ARID2: variants seen among roughly 807,000 people sequenced by gnomAD.
ARID2 encodes AT-rich interaction domain 2.
In ARID2, 32 loss-of-function variants were observed where a neutral mutation model predicts 184.6. That is an observed-to-expected ratio of 0.17 (90% CI 0.13 to 0.23). ARID2 has a LOEUF of 0.23. Among genes scored for constraint, ARID2 ranks in the 10% least tolerant of loss-of-function variants. The probability of loss-of-function intolerance (pLI) is 1.00; values close to 1 mark genes in which losing one functional copy is unlikely to be tolerated. For synonymous variants in ARID2, 836 were observed against 772.6 expected (o/e 1.08, Z -1.36); for missense variants, 1,696 against 2,197.6 (o/e 0.77, Z 4.56).
chr12:45,787,910 A>G (rs1592076622), intron 3 of ARID2, among the ~76,000 whole-genome samples: 1 of 152,058 alleles, frequency 6.6e-6, no homozygotes, highest in African/African-American at 2.4e-5. Flanking sequence ...ATATATTTTC[A>G]CTCCTTTTGC....
intron 6 of ARID2, among the ~76,000 whole-genome samples, chr12:45,835,077 A>G (rs1003942546): frequency 2.0e-5 from 3 of 151,960 alleles, no homozygotes; most frequent in Non-Finnish European, 2.9e-5. Flanking sequence ...TTATACTTCA[A>G]ACTTATTTAC....
intron 6 of ARID2, among the ~76,000 whole-genome samples, chr12:45,826,034 C>G (rs1285540744): frequency 6.6e-6 from 1 of 151,672 alleles, no homozygotes; most frequent in Non-Finnish European, 1.5e-5. Flanking sequence ...TTTTCTTTAC[C>G]TAAGAAGAGA....
At chr12:45,752,471 T>C (rs181974101) in intron 3 of ARID2, among the ~76,000 whole-genome samples, 3 of 152,324 alleles carry the variant, frequency 2.0e-5, no homozygotes, top group Admixed American at 2.0e-4. Flanking sequence ...TATGTTTAGT[T>C]AGGGAGGAAA....
chr12:45,859,067 A>C (rs1298364593), intron 15 of ARID2, among the ~76,000 whole-genome samples: 1 of 152,184 alleles, frequency 6.6e-6, no homozygotes, highest in Non-Finnish European at 1.5e-5. Flanking sequence ...AAAGAAAATT[A>C]CTGTGGCTTT....
At chr12:45,887,972 G>T (rs1302906749) in intron 16 of ARID2, among the ~76,000 whole-genome samples, 1 of 152,140 alleles carries the variant, frequency 6.6e-6, no homozygotes, top group African/African-American at 2.4e-5. Flanking sequence ...TAGGCGGGCG[G>T]ATCACGAGGT....
At chr12:45,808,369 A>G (rs565829093) in intron 3 of ARID2, among the ~76,000 whole-genome samples, 1 of 152,340 alleles carries the variant, frequency 6.6e-6, no homozygotes, top group South Asian at 2.1e-4. Context: ...AATATTTAAT[A>G]ATGGCAGTGA....
rs146818786 is a variant in ARID2 at position 45,830,913 on chromosome 12, C to A, written c.706-5676C>A. Among the ~76,000 whole-genome samples, 47 of 152,118 alleles carry A rather than the reference C, an allele frequency of 3.1e-4. No individual in the cohort carries two copies. The East Asian group carries it at 7.5e-3, about 24-fold the overall frequency. ...TCTACTAAAAATACAAAAAAATTAGCTGGGCATTTTGGCGGGCACCTGCAA... is the reference window on the plus strand; with the variant it reads ...TCTACTAAAAATACAAAAAAATTAGATGGGCATTTTGGCGGGCACCTGCAA... On this transcript the variant is annotated intron_variant, in intron 6 of 20. Coordinates refer to ENST00000334344, the MANE Select transcript of ARID2 (RefSeq NM_152641.4).
chr12:45,865,147 G>T (rs1241036459), intron 16 of ARID2, among the ~76,000 whole-genome samples: 1 of 152,060 alleles, frequency 6.6e-6, no homozygotes, highest in Non-Finnish European at 1.5e-5. Context: ...TAGTTTTCCT[G>T]CTCTCTGATA....
chr12:45,749,401 C>T (rs1036521693), intron 3 of ARID2, among the ~76,000 whole-genome samples: 1 of 152,136 alleles, frequency 6.6e-6, no homozygotes, highest in African/African-American at 2.4e-5. Context: ...TTTGTTGTTT[C>T]ATTTATAGAG....
At chr12:45,848,579 C>T (rs1248789787) in intron 12 of ARID2, among the ~76,000 whole-genome samples, 1 of 152,020 alleles carries the variant, frequency 6.6e-6, no homozygotes, top group African/African-American at 2.4e-5. Context: ...GCAGACCAAC[C>T]CTGCTCTCAT....
chr12:45,816,393 G>A (rs1287868024), intron 4 of ARID2, among the ~76,000 whole-genome samples: 1 of 152,160 alleles, frequency 6.6e-6, no homozygotes, highest in Non-Finnish European at 1.5e-5. Context: ...TGAAACAAAG[G>A]ACTCATTTAG....
At chr12:45,860,750 T>G in intron 15 of ARID2, 51 bp from the exon 16 acceptor site, 6 of 1,390,742 alleles carry the variant, frequency 4.3e-6, no homozygotes, top group Non-Finnish European at 5.7e-6. Context: ...CTATAAAATA[T>G]GAATTTTTTC....
intron 3 of ARID2, among the ~76,000 whole-genome samples, chr12:45,808,243 G>C (rs1209149821): frequency 6.6e-6 from 1 of 152,118 alleles, no homozygotes; most frequent in African/African-American, 2.4e-5. Context: ...TTTTAGCTGT[G>C]TTCTCTGGTT....
At chr12:45,895,902 T>C (rs1024027391) in intron 20 of ARID2, among the ~76,000 whole-genome samples, 4 of 152,172 alleles carry the variant, frequency 2.6e-5, no homozygotes, top group African/African-American at 7.2e-5. Flanking sequence ...AAGAGAAGAT[T>C]TGTAAACTGA....
intron 3 of ARID2, among the ~76,000 whole-genome samples, chr12:45,794,563 G>A (rs1045491283): frequency 2.6e-5 from 4 of 152,156 alleles, no homozygotes; most frequent in South Asian, 2.1e-4. Flanking sequence ...TGGACTCAGC[G>A]TTAGGAAAAC....
At chr12:45,730,510 G>C (rs1940967969) in intron 2 of ARID2, among the ~76,000 whole-genome samples, 1 of 151,784 alleles carries the variant, frequency 6.6e-6, no homozygotes. Context: ...AGTCAGCTCT[G>C]CCGCCGCTGC....
chr12:45,846,750 A>G, intron 11 of ARID2, 106 bp from the exon 12 acceptor site: 1 of 927,848 alleles, frequency 1.1e-6, no homozygotes, highest in Non-Finnish European at 1.7e-6. Context: ...TACACCTTTT[A>G]AAAAGGTATT....
intron 20 of ARID2, among the ~76,000 whole-genome samples, chr12:45,900,544 T>C (rs905500257): frequency 1.7e-4 from 26 of 152,312 alleles, no homozygotes; most frequent in Admixed American, 1.1e-3. Flanking sequence ...TAGAATATTT[T>C]TTTCCTTGCA....
At chr12:45,805,746 ACC>A (rs1468314682) in intron 3 of ARID2, among the ~76,000 whole-genome samples, 3 of 152,256 alleles carry the variant, frequency 2.0e-5, no homozygotes, top group Non-Finnish European at 2.9e-5. Context: ...CTATCACCTT[ACC>A]TAGTTACCCT....
Sources: allele counts gnomAD v4.1 joint callset (sites outside exome capture counted in the v4.1 genomes callset), GRCh38; gene constraint gnomAD v4.1.1; transcripts MANE v1.5; gene names NCBI Gene and HGNC (gene_info 2026-07-23, HGNC 2026-07-21).